The following HDAC9 variants were observed in gnomAD, a reference collection of about 807,000 sequenced individuals.
HDAC9 encodes the protein histone deacetylase 9, also known as MEF-2 interacting transcription repressor (MITR) protein.
HDAC9 carries 41 observed loss-of-function variants against 139.4 expected under a neutral mutation model. The observed-to-expected ratio is 0.29, with a 90% CI of 0.23 to 0.38. HDAC9 has a LOEUF of 0.38. HDAC9 is among the 10% of genes least tolerant of loss of function. The probability of loss-of-function intolerance (pLI) is 1.00; values close to 1 mark genes in which losing one functional copy is unlikely to be tolerated. For synonymous variants in HDAC9, 517 were observed against 476.2 expected, an observed-to-expected ratio of 1.09 and a Z score of -1.12; for missense variants, 1,147 against 1,297.0, an observed-to-expected ratio of 0.88 and a Z score of 1.78.
At chr7:18,498,443 G>C (rs947197453) in intron 2 of HDAC9, among the ~76,000 whole-genome samples, 13 of 152,048 alleles carry the variant, frequency 8.5e-5, no homozygotes, top group Non-Finnish European at 1.8e-4. Context: ...ACTGCTGTAG[G>C]GCTAGGGAAC....
chr7:18,368,122 C>G (rs1424248002), intron 1 of HDAC9, among the ~76,000 whole-genome samples: 1 of 152,098 alleles, frequency 6.6e-6, no homozygotes, highest in Non-Finnish European at 1.5e-5. Flanking sequence ...CATCCTTTCA[C>G]TTCCTTTTAG....
At chr7:18,132,832 A>G (rs1785107767) in intron 1 of HDAC9, among the ~76,000 whole-genome samples, 1 of 152,072 alleles carries the variant, frequency 6.6e-6, no homozygotes, top group Admixed American at 6.6e-5. Context: ...TTCAAATGAT[A>G]TTGTTTCTTT....
chr7:18,114,825 C>T (rs1783857983), intron 1 of HDAC9, among the ~76,000 whole-genome samples: 1 of 152,176 alleles, frequency 6.6e-6, no homozygotes, highest in Non-Finnish European at 1.5e-5. Context: ...GCATACATTG[C>T]TGGGTGGTTT....
chr7:18,463,827 C>A (rs1259389554), intron 1 of HDAC9, among the ~76,000 whole-genome samples: 1 of 151,730 alleles, frequency 6.6e-6, no homozygotes, highest in East Asian at 1.9e-4. Context: ...CCCTTTTTGA[C>A]TTATGAGTGT....
At chr7:18,676,868 T>A (rs1411116177) in intron 12 of HDAC9, among the ~76,000 whole-genome samples, 3 of 151,912 alleles carry the variant, frequency 2.0e-5, no homozygotes, top group African/African-American at 4.8e-5. Context: ...ATTAAAAAAA[T>A]TCTAATTTTT....
At chr7:18,310,687 T>G (rs1318383797) in intron 1 of HDAC9, among the ~76,000 whole-genome samples, 1 of 152,110 alleles carries the variant, frequency 6.6e-6, no homozygotes, top group African/African-American at 2.4e-5. Context: ...GGCCTCCACC[T>G]TTGATATATA....
chr7:18,121,504 G>A (rs1387757210), intron 1 of HDAC9, among the ~76,000 whole-genome samples: 3 of 147,796 alleles, frequency 2.0e-5, no homozygotes, highest in African/African-American at 7.6e-5. Flanking sequence ...AGGACATGTA[G>A]CTAATACAGC....
intron 21 of HDAC9, among the ~76,000 whole-genome samples, chr7:18,862,157 T>A (rs1337367358): frequency 1.3e-5 from 2 of 152,176 alleles, no homozygotes; most frequent in East Asian, 3.9e-4. Context: ...AGACACACTT[T>A]AGAATCGTTC....
chr7:18,663,763 A>G (rs1238115718), intron 11 of HDAC9, among the ~76,000 whole-genome samples: 4 of 152,042 alleles, frequency 2.6e-5, no homozygotes, highest in Admixed American at 6.6e-5. Flanking sequence ...GTCTTCTTAC[A>G]TTTGGTTTCT....
intron 11 of HDAC9, among the ~76,000 whole-genome samples, chr7:18,654,073 TAA>T (rs1790271093): frequency 6.6e-6 from 1 of 152,154 alleles, no homozygotes; most frequent in Non-Finnish European, 1.5e-5. Context: ...GAAAAAAGTA[TAA>T]GTTTTGAGAA....
In HDAC9 at chr7:18,870,691, T is replaced by G. The variant is rs184189730; in HGVS notation, c.2685-3787T>G. The stretch of plus-strand genomic sequence containing the variant: ...CATTATTATTGTTATTACTATTTTT[T>G]GAGACAGGGTCTTGCTCCGTCACCT... On this transcript the variant is annotated intron_variant, in intron 21 of 25. Transcript: ENST00000686413. Among the ~76,000 whole-genome samples, 14 of 152,288 alleles carry G rather than the reference T, an allele frequency of 9.2e-5. No individual in the cohort carries two copies. In the East Asian group the frequency reaches 2.7e-3, roughly 29 times the overall value.
At chr7:18,177,298 G>A (rs1788997155) in intron 2 of HDAC9, among the ~76,000 whole-genome samples, 1 of 152,182 alleles carries the variant, frequency 6.6e-6, no homozygotes, top group Non-Finnish European at 1.5e-5. Flanking sequence ...CTGTGTCTGA[G>A]CTTCCTGATT....
chr7:18,508,706 A>G (rs1052753891), intron 2 of HDAC9, among the ~76,000 whole-genome samples: 3 of 152,226 alleles, frequency 2.0e-5, no homozygotes, highest in Admixed American at 6.5e-5. Context: ...TCAGAAACCC[A>G]AAAGAAGGGG....
intron 21 of HDAC9, among the ~76,000 whole-genome samples, chr7:18,839,915 G>T (rs1201162997): frequency 6.6e-6 from 1 of 151,994 alleles, no homozygotes; most frequent in Admixed American, 6.6e-5. Flanking sequence ...TAAGTGGTTT[G>T]TTTATAGTGG....
chr7:18,915,103 G>T (rs1803070593), intron 22 of HDAC9, among the ~76,000 whole-genome samples: 1 of 152,074 alleles, frequency 6.6e-6, no homozygotes. Context: ...ATTTGTGCAT[G>T]TGTCTGTATG....
chr7:18,642,961 G>A (rs940176414), intron 8 of HDAC9, among the ~76,000 whole-genome samples: 1 of 152,030 alleles, frequency 6.6e-6, no homozygotes, highest in Non-Finnish European at 1.5e-5. Context: ...AACCTTGAAT[G>A]AATATTATGC....
At chr7:18,319,112 G>C (rs1425030495) in intron 1 of HDAC9, among the ~76,000 whole-genome samples, 1 of 152,172 alleles carries the variant, frequency 6.6e-6, no homozygotes, top group East Asian at 1.9e-4. Flanking sequence ...TGCTTTTACA[G>C]TTCTGAGCTG....
intron 22 of HDAC9, among the ~76,000 whole-genome samples, chr7:18,894,621 G>A (rs1439379660): frequency 2.0e-5 from 3 of 152,098 alleles, no homozygotes; most frequent in African/African-American, 7.2e-5. Context: ...TGCTCTTGAG[G>A]AATTTTATTC....
At chr7:18,860,697 AAGGAAGGAAAG>A (rs1240538630) in intron 21 of HDAC9, among the ~76,000 whole-genome samples, 2 of 152,186 alleles carry the variant, frequency 1.3e-5, no homozygotes, top group Non-Finnish European at 2.9e-5. Context: ...GGAAGAAAGG[AAGGAAGGAAAG>A]AGGAAGGAGT....
Sources: allele counts gnomAD v4.1 joint callset (sites outside exome capture counted in the v4.1 genomes callset), GRCh38; gene constraint gnomAD v4.1.1; transcripts MANE v1.5; gene names NCBI Gene and HGNC (gene_info 2026-07-23, HGNC 2026-07-21).